The following CDH18 variants were observed in gnomAD, a reference collection of about 807,000 sequenced individuals.
The protein encoded by CDH18 is cadherin-18.
Under a neutral mutation model 67.9 loss-of-function variants are expected in CDH18, and 31 were observed. That is an observed-to-expected ratio of 0.46 (90% confidence interval 0.34 to 0.62). The LOEUF is 0.62. Ranked by LOEUF, CDH18 falls within the 20% of genes least tolerant of loss-of-function variation. The pLI, the probability that CDH18 is intolerant of heterozygous loss-of-function variation, is 0.01. For synonymous variants in CDH18, 362 were observed against 347.2 expected (o/e 1.04, Z -0.48); for missense variants, 890 against 975.5 (o/e 0.91, Z 1.17).
intron 2 of CDH18, among the ~76,000 whole-genome samples, chr5:19,967,544 A>G (rs974480317): frequency 2.6e-5 from 4 of 152,146 alleles, no homozygotes; most frequent in Non-Finnish European, 5.9e-5. Flanking sequence ...ACTAAGCTTC[A>G]AAACAATTTG....
At chr5:20,454,018 G>C (rs1750666506) in intron 1 of CDH18, among the ~76,000 whole-genome samples, 1 of 152,090 alleles carries the variant, frequency 6.6e-6, no homozygotes, top group Non-Finnish European at 1.5e-5. Context: ...CTTCTGAAGA[G>C]GAATAAATAG....
chr5:20,347,522 A>T (rs1037468814), intron 1 of CDH18, among the ~76,000 whole-genome samples: 1 of 152,228 alleles, frequency 6.6e-6, no homozygotes, highest in Non-Finnish European at 1.5e-5. Flanking sequence ...ATGAACAACC[A>T]TGGACAGCAC....
intron 1 of CDH18, among the ~76,000 whole-genome samples, chr5:20,344,714 TC>T (rs1270052999): frequency 6.6e-6 from 1 of 152,090 alleles, no homozygotes; most frequent in Non-Finnish European, 1.5e-5. Flanking sequence ...TCACTCTTCT[TC>T]CCATGGCCTT....
chr5:20,146,302 C>T (rs553759178), intron 2 of CDH18, among the ~76,000 whole-genome samples: 11 of 151,986 alleles, frequency 7.2e-5, no homozygotes, highest in African/African-American at 2.2e-4. Flanking sequence ...GAGGGAGAAT[C>T]GTCTTAATTA....
intron 8 of CDH18, among the ~76,000 whole-genome samples, chr5:19,550,420 C>G (rs1020588680): frequency 7.9e-5 from 12 of 152,000 alleles, no homozygotes; most frequent in Admixed American, 3.3e-4. Flanking sequence ...CCACTCCCCC[C>G]ACCCCACAAC....
At chr5:20,124,256 A>G (rs1748634606) in intron 2 of CDH18, among the ~76,000 whole-genome samples, 1 of 152,258 alleles carries the variant, frequency 6.6e-6, no homozygotes, top group South Asian at 2.1e-4. Context: ...GTCCCATAGG[A>G]ATGTGTAAGT....
rs143841256 is a variant in CDH18 at position 20,036,167 on chromosome 5, T to C, written c.-517-44153A>G. Among the ~76,000 whole-genome samples the C allele has an allele frequency of 2.0e-3, 302 of 152,096 alleles. 1 individual carries two copies. The highest frequency in any genetic ancestry group is 3.5e-3 in the Non-Finnish European group (237 of 67,950). On this transcript the variant is annotated intron_variant, in intron 2 of 14. Coordinates refer to the CDH18 transcript ENST00000507958. ...TAGATTCATGACAATTTACAGAAAG[T>C]GTATCCAAAGGGTGCTGATCCACAG... is the stretch of plus-strand genomic sequence containing the variant.
chr5:20,481,628 T>G (rs200426720), intron 1 of CDH18, among the ~76,000 whole-genome samples: 1 of 151,926 alleles, frequency 6.6e-6, no homozygotes, highest in Non-Finnish European at 1.5e-5. Context: ...TGGAAATAAA[T>G]TATAAATGAA....
At chr5:20,209,886 C>A (rs1477487112) in intron 2 of CDH18, among the ~76,000 whole-genome samples, 1 of 151,526 alleles carries the variant, frequency 6.6e-6, no homozygotes, top group East Asian at 1.9e-4. Context: ...AGCCCAATTA[C>A]CCTAATTTGA....
chr5:20,085,689 G>A (rs1262169260), intron 2 of CDH18, among the ~76,000 whole-genome samples: 2 of 152,122 alleles, frequency 1.3e-5, no homozygotes, highest in East Asian at 3.9e-4. Context: ...AGCAAGTCTT[G>A]TCTTACACAG....
chr5:19,848,819 ATATATATAGATGATAGCATATAAAATGC>A (rs1292165961), intron 2 of CDH18, among the ~76,000 whole-genome samples: 2 of 150,560 alleles, frequency 1.3e-5, no homozygotes, highest in Non-Finnish European at 3.0e-5. Flanking sequence ...ATAAAATGCT[ATATATATAGATGATAGCATATAAAATGC>A]TATATATAGC....
chr5:19,729,919 A>G (rs1467401353), intron 4 of CDH18, among the ~76,000 whole-genome samples: 1 of 152,180 alleles, frequency 6.6e-6, no homozygotes, highest in Non-Finnish European at 1.5e-5. Flanking sequence ...TATCAACAGA[A>G]TAAGGGGAAG....
chr5:19,980,072 A>C (rs770500240), intron 2 of CDH18, among the ~76,000 whole-genome samples: 1 of 152,180 alleles, frequency 6.6e-6, no homozygotes, highest in Non-Finnish European at 1.5e-5. Flanking sequence ...AGACTACTCC[A>C]GAAAGCTCCT....
chr5:19,769,132 AGAAAGAACACTT>A (rs576957463), intron 3 of CDH18, among the ~76,000 whole-genome samples: 44 of 152,110 alleles, frequency 2.9e-4, no homozygotes, highest in Non-Finnish European at 4.1e-4. Context: ...AAAAGGAGAC[AGAAAGAACACTT>A]GAAGATATAA....
intron 10 of CDH18, among the ~76,000 whole-genome samples, chr5:19,515,143 A>C (rs1408549786): frequency 6.6e-6 from 1 of 152,154 alleles, no homozygotes; most frequent in African/African-American, 2.4e-5. Context: ...TTTGTCAAAA[A>C]TCAGTTGGTT....
At chr5:19,505,214 T>G (rs1321743531) in intron 10 of CDH18, among the ~76,000 whole-genome samples, 1 of 152,144 alleles carries the variant, frequency 6.6e-6, no homozygotes, top group Admixed American at 6.6e-5. Context: ...AAGGAGATTT[T>G]GGGCTGAGAC....
chr5:20,421,347 T>C (rs1337153533), intron 1 of CDH18, among the ~76,000 whole-genome samples: 6 of 144,922 alleles, frequency 4.1e-5, no homozygotes, highest in East Asian at 2.0e-4. Context: ...TTGATGACGA[T>C]TGAGAAAACA....
chr5:20,077,481 G>A (rs147651007), intron 2 of CDH18, among the ~76,000 whole-genome samples: 1 of 152,232 alleles, frequency 6.6e-6, no homozygotes, highest in East Asian at 1.9e-4. Context: ...GGCTGGGATG[G>A]CAGTATTCCC....
intron 1 of CDH18, among the ~76,000 whole-genome samples, chr5:20,385,725 T>C (rs1319176261): frequency 1.3e-5 from 2 of 152,204 alleles, no homozygotes; most frequent in Non-Finnish European, 2.9e-5. Context: ...ACTTTCTCTT[T>C]GATGTGTCTT....
Sources: allele counts gnomAD v4.1 joint callset (sites outside exome capture counted in the v4.1 genomes callset), GRCh38; gene constraint gnomAD v4.1.1; transcripts MANE v1.5; gene names NCBI Gene and HGNC (gene_info 2026-07-23, HGNC 2026-07-21).